Variants in XKR9 observed in about 807,000 individuals in gnomAD.
The protein encoded by XKR9 is XK related 9, also known as XK-related protein 9.
A neutral mutation model predicts 32.0 loss-of-function variants in XKR9; 32 were observed. The ratio of observed to expected loss-of-function variants is 1.00; its 90% CI spans 0.76 to 1.34. The LOEUF (loss-of-function observed/expected upper bound fraction) is 1.34. Among genes scored for constraint, XKR9 ranks in the 40% most tolerant of loss-of-function variants. The pLI is 0.00. For missense variants in XKR9, 546 were observed against 429.7 expected, an observed-to-expected ratio of 1.27 and a Z score of -2.39; for synonymous variants, 168 against 143.4, an observed-to-expected ratio of 1.17 and a Z score of -1.22.
At chr8:70,780,717 C>A (rs1013710365) in intron 2 of XKR9, among the ~76,000 whole-genome samples, 2 of 152,022 alleles carry the variant, frequency 1.3e-5, no homozygotes, top group Non-Finnish European at 1.5e-5. Flanking sequence ...TAATTTTTGG[C>A]AATTTATTAT....
intron 2 of XKR9, among the ~76,000 whole-genome samples, chr8:70,776,961 A>ATG (rs1554556869): frequency 4.9e-4 from 43 of 88,074 alleles, no homozygotes; most frequent in Admixed American, 9.2e-4. Context: ...ATATATATAT[A>ATG]TATGTATGTA....
At chr8:71,015,058 T>A in the XKR9 span, among the ~76,000 whole-genome samples, 2 of 151,810 alleles carry the variant, frequency 1.3e-5, no homozygotes, top group South Asian at 4.2e-4. Context: ...GGCAGAGGAG[T>A]TTAATGTTGT....
the XKR9 span, among the ~76,000 whole-genome samples, chr8:70,809,993 T>C: frequency 3.4e-4 from 51 of 152,084 alleles, 1 homozygote; most frequent in Non-Finnish European, 2.5e-4. Context: ...AATTGTCAAA[T>C]TCACCAAAGT....
At chr8:70,762,051 G>T (rs1807316183) in intron 2 of XKR9, among the ~76,000 whole-genome samples, 1 of 152,000 alleles carries the variant, frequency 6.6e-6, no homozygotes, top group Non-Finnish European at 1.5e-5. Flanking sequence ...TGTTCCATTG[G>T]TCTACGTGTC....
At chr8:70,865,270 G>A in the XKR9 span, among the ~76,000 whole-genome samples, 1 of 151,024 alleles carries the variant, frequency 6.6e-6, no homozygotes, top group African/African-American at 2.4e-5. Flanking sequence ...AAGTCCTTCT[G>A]GGCTTTTTTT....
the XKR9 span, among the ~76,000 whole-genome samples, chr8:70,905,159 T>C: frequency 6.6e-6 from 1 of 152,180 alleles, no homozygotes; most frequent in Non-Finnish European, 1.5e-5. Context: ...TGAATTTGAA[T>C]GTTTGCCTGC....
intron 2 of XKR9, among the ~76,000 whole-genome samples, chr8:70,776,995 A>G (rs1037663508): frequency 2.1e-5 from 3 of 142,292 alleles, no homozygotes; most frequent in African/African-American, 8.0e-5. Context: ...TCTGAGGTAC[A>G]TAGGTAGAAT....
the XKR9 span, among the ~76,000 whole-genome samples, chr8:71,010,219 A>G: frequency 6.6e-6 from 1 of 152,218 alleles, no homozygotes; most frequent in African/African-American, 2.4e-5. Context: ...GTGTTTTCTG[A>G]AGATCACTTT....
the XKR9 span, among the ~76,000 whole-genome samples, chr8:70,818,388 A>C: frequency 6.6e-6 from 1 of 151,948 alleles, no homozygotes; most frequent in African/African-American, 2.4e-5. Context: ...TTATAATTAC[A>C]TTTTATGTTT....
At chr8:70,981,943 A>G in the XKR9 span, among the ~76,000 whole-genome samples, 1 of 151,790 alleles carries the variant, frequency 6.6e-6, no homozygotes, top group African/African-American at 2.4e-5. Context: ...GAGCTACTAG[A>G]CTCTTGGCTG....
chr8:70,774,566 G>A (rs537796883), intron 2 of XKR9, among the ~76,000 whole-genome samples: 7 of 152,150 alleles, frequency 4.6e-5, no homozygotes, highest in African/African-American at 1.4e-4. Context: ...GGCCATTTGG[G>A]GTGTTCTTTT....
At chr8:70,704,229 A>T (rs1457648389) in intron 3 of XKR9, among the ~76,000 whole-genome samples, 1 of 152,090 alleles carries the variant, frequency 6.6e-6, no homozygotes, top group Admixed American at 6.5e-5. Flanking sequence ...AAATAAATAA[A>T]TAAGTGAAAC....
the XKR9 span, among the ~76,000 whole-genome samples, chr8:70,855,204 G>C: frequency 6.6e-6 from 1 of 151,902 alleles, no homozygotes; most frequent in African/African-American, 2.4e-5. Context: ...AGTTTGAACC[G>C]ATGGCAAAGA....
intron 2 of XKR9, among the ~76,000 whole-genome samples, chr8:70,786,582 G>A (rs1159164027): frequency 6.6e-6 from 1 of 152,056 alleles, no homozygotes; most frequent in Non-Finnish European, 1.5e-5. Flanking sequence ...TTGGATATAA[G>A]TATAGCTAAC....
chr8:70,718,496 A>G (rs1022344380), intron 4 of XKR9, among the ~76,000 whole-genome samples: 2 of 151,918 alleles, frequency 1.3e-5, no homozygotes, highest in African/African-American at 4.8e-5. Context: ...AACAGGCCCC[A>G]GAGTGTGATG....
At chr8:70,713,112 GAAAT>G (rs952253435) in intron 4 of XKR9, among the ~76,000 whole-genome samples, 3 of 152,062 alleles carry the variant, frequency 2.0e-5, no homozygotes, top group Non-Finnish European at 4.4e-5. Flanking sequence ...ATTTGAAAAA[GAAAT>G]AAGTAGAACT....
At chr8:70,833,740 G>T in the XKR9 span, among the ~76,000 whole-genome samples, 3 of 152,234 alleles carry the variant, frequency 2.0e-5, no homozygotes, top group East Asian at 5.8e-4. Flanking sequence ...TTTCTTTAAT[G>T]AATTTTACTG....
At chr8:70,764,051 G>A (rs921881831) in intron 2 of XKR9, among the ~76,000 whole-genome samples, 2 of 152,158 alleles carry the variant, frequency 1.3e-5, no homozygotes, top group African/African-American at 4.8e-5. Context: ...ATAGTTTTGA[G>A]TCTATAGCCT....
the XKR9 span, among the ~76,000 whole-genome samples, chr8:70,883,402 C>A: frequency 6.6e-6 from 1 of 151,930 alleles, no homozygotes; most frequent in East Asian, 1.9e-4. Flanking sequence ...AGGTTGGTTT[C>A]ATATCTTTGC....
Sources: allele counts gnomAD v4.1 joint callset (sites outside exome capture counted in the v4.1 genomes callset), GRCh38; gene constraint gnomAD v4.1.1; transcripts MANE v1.5; gene names NCBI Gene and HGNC (gene_info 2026-07-23, HGNC 2026-07-21).